LAMA3: variants seen among roughly 807,000 people sequenced by gnomAD.
LAMA3 encodes the protein laminin subunit alpha 3, also known as laminin subunit alpha-3.
A neutral mutation model predicts 402.0 loss-of-function variants in LAMA3; 281 were observed. The observed-to-expected ratio is 0.70, with a 90% CI of 0.63 to 0.77. The LOEUF is 0.77. LAMA3 is among the 30% of genes least tolerant of loss of function. LAMA3 has a pLI of 0.00. For synonymous variants in LAMA3, 1,431 were observed against 1,558.4 expected, an observed-to-expected ratio of 0.92 and a Z score of 1.93; for missense variants, 3,840 against 4,215.5, an observed-to-expected ratio of 0.91 and a Z score of 2.47.
rs11446507 is a variant in LAMA3, at chr18:23,782,795, C to CTTT, written c.1469-1214_1469-1212dup. 2.9e-3 allele frequency among the ~76,000 whole-genome samples: 391 copies of CTTT among 136,040 alleles called. 1 individual carries two copies. Among genetic ancestry groups the CTTT allele is most frequent in the African/African-American group, 7.7e-3 (286 of 37,290 alleles). 89.2% of individuals were successfully genotyped at this position (136,040 alleles called of 152,430 possible). On this transcript the variant is annotated intron_variant, in intron 11 of 74. Transcript: ENST00000313654. ...GAAGTTAATTAACCTTTCTGAGCAT[C>CTTT]TTTTTTTTTTTTTTTTCATCTATAA...
chr18:23,834,262 T>G (rs2063540932), intron 24 of LAMA3: 1 of 430,174 alleles, frequency 2.3e-6, no homozygotes. Flanking sequence ...ACAACCTTTT[T>G]ATTTGATTCT....
intron 32 of LAMA3, among the ~76,000 whole-genome samples, chr18:23,848,906 T>A (rs996516100): frequency 3.3e-5 from 5 of 152,178 alleles, no homozygotes; most frequent in African/African-American, 1.2e-4. Flanking sequence ...CCTGGGCTGT[T>A]GGCTGCATCA....
rs546797647 is a variant in LAMA3, at chr18:23,765,187, C to T, written c.1182+1664C>T. On this transcript the variant is annotated intron_variant, in intron 8 of 74. Coordinates refer to ENST00000313654, the MANE Select transcript of LAMA3 (RefSeq NM_198129.4). The stretch of plus-strand genomic sequence containing the variant: ...CTAAAATTTCTCTAGAAATATGGAA[C>T]CTTTGTCTTAAAGCTGTGTTCTCTG... Among the ~76,000 whole-genome samples, 7 of 152,254 alleles carry T rather than the reference C, an allele frequency of 4.6e-5. No individual in the cohort carries two copies. In the East Asian group the frequency reaches 1.2e-3, roughly 25 times the overall value.
chr18:23,815,638 A>G (rs964725598), intron 17 of LAMA3, 65 bp downstream of exon 17: 2 of 1,096,402 alleles, frequency 1.8e-6, no homozygotes, highest in East Asian at 2.4e-5. Context: ...TCTAAATAAC[A>G]TTTCTTCTGA....
chr18:23,823,373 G>A lies in LAMA3; in HGVS notation c.2428+998G>A, dbSNP rs1307049242. ...TAACAGGCCCCTCTGCCTCCTGCGT[G>A]ACAATAACAGCAGCAGTTTGTTCTC... On this transcript the variant is annotated intron_variant, in intron 20 of 74. Transcript: ENST00000313654. 2.0e-5 allele frequency among the ~76,000 whole-genome samples: 3 copies of A among 152,198 alleles called. No individual in the cohort carries two copies. In the East Asian group the frequency reaches 5.8e-4, roughly 29 times the overall value.
At position 23,889,998 on chromosome 18, in the gene LAMA3, A is replaced by C. The variant is rs902662838; in HGVS notation, c.5304-13A>C. On this transcript the variant is annotated splice_polypyrimidine_tract_variant and intron_variant, in intron 41 of 74. Coordinates refer to ENST00000313654, the MANE Select transcript of LAMA3 (RefSeq NM_198129.4). ...TATTTGGGTGTTTCTCCTCCTCTCT[A>C]TATTTTGTGTAGGTGTGCACCGGGA... 3 of 1,593,990 alleles carry C rather than the reference A, an allele frequency of 1.9e-6. No homozygotes were observed. The African/African-American group carries it at 4.0e-5, about 21-fold the overall frequency.
At chr18:23,826,050 C>T (rs1423925628) in intron 21 of LAMA3, among the ~76,000 whole-genome samples, 9 of 152,180 alleles carry the variant, frequency 5.9e-5, no homozygotes. Flanking sequence ...GCTCTTTGCC[C>T]TCCCCTCTTC....
intron 40 of LAMA3, among the ~76,000 whole-genome samples, chr18:23,882,660 A>G (rs907584940): frequency 2.6e-5 from 4 of 151,780 alleles, no homozygotes; most frequent in South Asian, 2.1e-4. Flanking sequence ...CAAGTTGTAT[A>G]CTTCCAGGCT....
intron 2 of LAMA3, among the ~76,000 whole-genome samples, chr18:23,724,623 T>C (rs950987939): frequency 2.0e-5 from 3 of 152,244 alleles, no homozygotes; most frequent in Non-Finnish European, 4.4e-5. Flanking sequence ...AAAGAGCATA[T>C]TTCATTCCTT....
Position 23,777,771 on chromosome 18 carries a change from C to G in LAMA3, c.1468+152C>G. ...AGGTGTCTCCTAGTTGACCTACTCC[C>G]CACCCATCAGTCCCCACTCCAGCCT... is the stretch of plus-strand genomic sequence containing the variant. On this transcript the variant is annotated intron_variant, in intron 11 of 74. Coordinates refer to ENST00000313654, the MANE Select transcript of LAMA3 (RefSeq NM_198129.4). 4 of 710,598 alleles carry G rather than the reference C, an allele frequency of 5.6e-6. No individual in the cohort carries two copies. The South Asian group carries it at 6.2e-5, about 11-fold the overall frequency. 44.0% of individuals were successfully genotyped at this position (710,598 alleles called of 1,614,324 possible).
intron 70 of LAMA3, chr18:23,946,817 C>G (rs1470216810): frequency 1.8e-5 from 3 of 164,936 alleles, no homozygotes; most frequent in Non-Finnish European, 2.7e-5. Flanking sequence ...CATTTGAAAA[C>G]CAAACACTGT....
chr18:23,951,770 G>A lies in LAMA3; in HGVS notation c.9729G>A (p.Ser3243=), dbSNP rs141464226. The A allele has an allele frequency of 2.1e-5, 34 of 1,612,290 alleles. No homozygotes were observed. Among genetic ancestry groups the A allele is most frequent in the African/African-American group, 2.0e-4 (15 of 74,866 alleles). The change falls in exon 73 of 75, where the codon TCG becomes TCA. Residue 3243 remains serine, a synonymous_variant. Transcript: ENST00000313654. The stretch of plus-strand genomic sequence containing the variant: ...CTCTGTGTGATGGACAGTGGCACTC[G>A]GTGGCAGGTATGTTGTCCAGTAGCT... ...KQSLCDGQWH[S]VAVTIKQHIL...
At chr18:23,748,123 G>C (rs2061683201) in intron 3 of LAMA3, 63 bp downstream of exon 3, 1 of 1,007,228 alleles carries the variant, frequency 9.9e-7, no homozygotes, top group South Asian at 1.3e-5. Flanking sequence ...TAAAGACTAT[G>C]GATTTAATTA....
chr18:23,816,431 T>C lies in LAMA3; in HGVS notation c.2091T>C (p.Ser697=). ...DIGGALSSMC[S]GPSGVCQCRE... ...GTGGGGCATTGTCCTCCATGTGCAGTGGGCCCTCGGGAGTGTGCCAGTGCC... is the reference window on the plus strand; with the variant it reads ...GTGGGGCATTGTCCTCCATGTGCAGCGGGCCCTCGGGAGTGTGCCAGTGCC... The change falls in exon 18 of 75, where the codon AGT becomes AGC. Residue 697 remains serine, a synonymous_variant. Transcript: ENST00000313654. 3.1e-6 allele frequency: 5 copies of C among 1,614,064 alleles called. No individual in the cohort carries two copies. The highest frequency in any genetic ancestry group is 3.4e-6 in the Non-Finnish European group (4 of 1,180,008).
chr18:23,917,344 T>C (rs142448704), intron 60 of LAMA3, among the ~76,000 whole-genome samples: 2 of 152,342 alleles, frequency 1.3e-5, no homozygotes, highest in East Asian at 3.9e-4. Flanking sequence ...CGTGCATTTG[T>C]CTTTATGGTA....
chr18:23,941,851 A>C (rs928044193), intron 68 of LAMA3, among the ~76,000 whole-genome samples: 41 of 152,208 alleles, frequency 2.7e-4, no homozygotes, highest in African/African-American at 9.9e-4. Flanking sequence ...CACCAGGCCC[A>C]CATATGGAAA....
At chr18:23,843,817 C>A (rs191155570) in intron 29 of LAMA3, among the ~76,000 whole-genome samples, 1 of 152,198 alleles carries the variant, frequency 6.6e-6, no homozygotes, top group Non-Finnish European at 1.5e-5. Context: ...CACGCTCTGG[C>A]CATACAAATC....
chr18:23,916,440 T>G (rs956384147), intron 59 of LAMA3, 111 bp from the exon 60 acceptor site: 16 of 1,219,320 alleles, frequency 1.3e-5, no homozygotes, highest in Middle Eastern at 1.9e-4. Flanking sequence ...GACAACTAGA[T>G]TGCATTTTCT....
At chr18:23,709,307 A>G (rs1017882506) in intron 1 of LAMA3, among the ~76,000 whole-genome samples, 2 of 152,270 alleles carry the variant, frequency 1.3e-5, no homozygotes. Flanking sequence ...TCCTGGGCTC[A>G]AGCAATCTGC....
Sources: allele counts gnomAD v4.1 joint callset (sites outside exome capture counted in the v4.1 genomes callset), GRCh38; gene constraint gnomAD v4.1.1; transcripts MANE v1.5; gene names NCBI Gene and HGNC (gene_info 2026-07-23, HGNC 2026-07-21).